LRRC7: variants seen among roughly 807,000 people sequenced by gnomAD.
LRRC7 encodes the protein leucine-rich repeat-containing protein 7.
In LRRC7, 23 loss-of-function variants were observed where a neutral mutation model predicts 175.7. The observed-to-expected ratio is 0.13, with a 90% CI of 0.09 to 0.19. The LOEUF is 0.19. Ranked by LOEUF, LRRC7 falls within the 10% of genes least tolerant of loss-of-function variation. The pLI is 1.00. For missense variants in LRRC7, 1,354 were observed against 1,904.7 expected (o/e 0.71, Z 5.38); for synonymous variants, 685 against 680.9 (o/e 1.01, Z -0.09).
intron 23 of LRRC7, among the ~76,000 whole-genome samples, chr1:70,058,514 A>G (rs923838046): frequency 2.0e-5 from 3 of 152,228 alleles, no homozygotes; most frequent in Admixed American, 1.3e-4. Context: ...GTCTAATTAC[A>G]TCACTTCTGT....
intron 1 of LRRC7, among the ~76,000 whole-genome samples, chr1:69,644,603 A>C (rs893526347): frequency 6.7e-6 from 1 of 150,254 alleles, no homozygotes; most frequent in African/African-American, 2.5e-5. Context: ...ACTTCTATCA[A>C]CTATTAAAGG....
intron 2 of LRRC7, among the ~76,000 whole-genome samples, chr1:69,726,174 A>G (rs1666955927): frequency 6.6e-6 from 1 of 152,132 alleles, no homozygotes. Flanking sequence ...AGATGCAGAG[A>G]AGTTACTTAA....
intron 7 of LRRC7, among the ~76,000 whole-genome samples, chr1:69,881,974 C>A (rs1162466576): frequency 6.8e-6 from 1 of 147,000 alleles, no homozygotes; most frequent in Non-Finnish European, 1.5e-5. Flanking sequence ...AAGTTAATAT[C>A]CAAAATATAT....
chr1:69,899,035 A>G (rs1028507397), intron 7 of LRRC7, among the ~76,000 whole-genome samples: 2 of 152,224 alleles, frequency 1.3e-5, no homozygotes, highest in Non-Finnish European at 2.9e-5. Context: ...GGGATTGGGC[A>G]TTCTCTGAAA....
intron 4 of LRRC7, among the ~76,000 whole-genome samples, chr1:69,797,194 C>A (rs78508293): frequency 0.01 from 1,559 of 152,164 alleles, 33 homozygotes; most frequent in African/African-American, 0.035. Context: ...ATTGTTTTAA[C>A]CGAGTGCTGG....
At position 69,934,944 on chromosome 1, in the gene LRRC7, A is replaced by G. The variant is rs115113457; in HGVS notation, c.711+3374A>G. ...TGTCACTTAAGGCCCCAACAACTCT[A>G]CCATGGGAGCCTTCATCAGAAGAGT... On this transcript the variant is annotated intron_variant, in intron 8 of 26. Coordinates refer to ENST00000651989, the MANE Select transcript of LRRC7 (RefSeq NM_001370785.2). Among the ~76,000 whole-genome samples, 1,234 of 152,272 alleles carry G rather than the reference A, an allele frequency of 8.1e-3. 14 individuals are homozygous for G. Among genetic ancestry groups the G allele is most frequent in the African/African-American group, 0.027 (1,129 of 41,536 alleles).
At chr1:69,802,430 C>T (rs1676627063) in intron 4 of LRRC7, among the ~76,000 whole-genome samples, 1 of 151,424 alleles carries the variant, frequency 6.6e-6, no homozygotes, top group African/African-American at 2.4e-5. Flanking sequence ...AGAATTATTA[C>T]ATCTTCTTCT....
chr1:69,955,486 G>C (rs552760137), intron 8 of LRRC7, among the ~76,000 whole-genome samples: 1 of 152,106 alleles, frequency 6.6e-6, no homozygotes, highest in Admixed American at 6.6e-5. Context: ...TGCAGATTGA[G>C]AGGAAGTCAC....
intron 2 of LRRC7, among the ~76,000 whole-genome samples, chr1:69,758,694 G>T (rs1288976736): frequency 6.6e-6 from 1 of 151,846 alleles, no homozygotes; most frequent in Non-Finnish European, 1.5e-5. Context: ...AGTGTCTATT[G>T]TTCCCTTCTT....
At chr1:69,717,830 GAAA>G (rs1557641175) in intron 2 of LRRC7, among the ~76,000 whole-genome samples, 822 of 28,290 alleles carry the variant, frequency 0.029, 91 homozygotes, top group African/African-American at 0.043. Context: ...AAGAAAGAAA[GAAA>G]GAAAGAAAAA....
intron 1 of LRRC7, among the ~76,000 whole-genome samples, chr1:69,662,730 A>C (rs551024022): frequency 2.6e-5 from 4 of 152,312 alleles, no homozygotes; most frequent in African/African-American, 9.6e-5. Context: ...TTGCACTGTC[A>C]TTTGCAGTTC....
intron 11 of LRRC7, among the ~76,000 whole-genome samples, chr1:69,996,880 G>A (rs534929155): frequency 0.015 from 2,266 of 152,042 alleles, 31 homozygotes; most frequent in South Asian, 0.031. Context: ...TTGGCAATGC[G>A]GGCTCTTTTT....
At chr1:69,764,717 GTAGA>G (rs1206748189) in intron 3 of LRRC7, among the ~76,000 whole-genome samples, 2 of 122,406 alleles carry the variant, frequency 1.6e-5, no homozygotes, top group African/African-American at 6.5e-5. Flanking sequence ...AGATAGGTAG[GTAGA>G]TAGATAGACA....
At chr1:69,972,520 C>T (rs141167877) in intron 8 of LRRC7, among the ~76,000 whole-genome samples, 2 of 152,182 alleles carry the variant, frequency 1.3e-5, no homozygotes, top group African/African-American at 2.4e-5. Flanking sequence ...GAAAGAAATG[C>T]TCAACATCAC....
chr1:70,009,361 T>C (rs1168586261), intron 11 of LRRC7, among the ~76,000 whole-genome samples: 1 of 150,160 alleles, frequency 6.7e-6, no homozygotes, highest in Non-Finnish European at 1.5e-5. Context: ...CTTTCTTTTT[T>C]TTTTTTTTTT....
chr1:69,787,660 G>T (rs569196249), intron 3 of LRRC7, among the ~76,000 whole-genome samples: 2 of 152,182 alleles, frequency 1.3e-5, no homozygotes, highest in Admixed American at 6.5e-5. Context: ...CACATAGCAC[G>T]GGGCCCTGGG....
At chr1:69,665,965 T>C (rs1182828317) in intron 1 of LRRC7, among the ~76,000 whole-genome samples, 1 of 152,134 alleles carries the variant, frequency 6.6e-6, no homozygotes, top group Non-Finnish European at 1.5e-5. Flanking sequence ...GGATCTGTCA[T>C]AGGTGGCTTT....
At chr1:69,606,002 T>C (rs1569874369) in intron 1 of LRRC7, among the ~76,000 whole-genome samples, 2 of 152,208 alleles carry the variant, frequency 1.3e-5, no homozygotes, top group East Asian at 3.8e-4. Flanking sequence ...TTTTTATCTT[T>C]CAAGTAATTG....
intron 8 of LRRC7, among the ~76,000 whole-genome samples, chr1:69,969,583 A>G (rs1368357327): frequency 1.3e-5 from 2 of 152,182 alleles, no homozygotes; most frequent in African/African-American, 4.8e-5. Context: ...AAATATCACA[A>G]TCCTAAATAT....
Sources: allele counts gnomAD v4.1 joint callset (sites outside exome capture counted in the v4.1 genomes callset), GRCh38; gene constraint gnomAD v4.1.1; transcripts MANE v1.5; gene names NCBI Gene and HGNC (gene_info 2026-07-23, HGNC 2026-07-21).